RCSD1: variants seen among roughly 807,000 people sequenced by gnomAD.
The protein encoded by RCSD1 is capZ-interacting protein.
A neutral mutation model predicts 42.5 loss-of-function variants in RCSD1; 26 were observed. The ratio of observed to expected loss-of-function variants is 0.61; its 90% CI spans 0.45 to 0.85. The LOEUF (loss-of-function observed/expected upper bound fraction) is 0.85, where lower values mean the gene tolerates loss of function less well. Among genes scored for constraint, RCSD1 ranks in the 40% least tolerant of loss-of-function variants. RCSD1 has a pLI of 0.00. For synonymous variants in RCSD1, 220 were observed against 212.2 expected (o/e 1.04, Z -0.32); for missense variants, 571 against 528.3 (o/e 1.08, Z -0.79).
chr1:167,652,102 A>G (rs991633983), intron 1 of RCSD1, among the ~76,000 whole-genome samples: 6 of 146,638 alleles, frequency 4.1e-5, no homozygotes, highest in Admixed American at 3.4e-4. Flanking sequence ...GCTCACTGCA[A>G]TCTCTGCCAC....
intron 1 of RCSD1, among the ~76,000 whole-genome samples, chr1:167,655,595 G>C (rs1002334049): frequency 6.6e-6 from 1 of 152,138 alleles, no homozygotes; most frequent in African/African-American, 2.4e-5. Context: ...TGCATAACCT[G>C]CTCTGTGCCC....
At chr1:167,655,789 C>G (rs1375738090) in intron 1 of RCSD1, among the ~76,000 whole-genome samples, 1 of 152,216 alleles carries the variant, frequency 6.6e-6, no homozygotes, top group Non-Finnish European at 1.5e-5. Context: ...TAAGACAACT[C>G]TCCCATCCCA....
rs1358010946 is a variant in RCSD1, at chr1:167,706,671, C to A, written c.*1975C>A. Among the ~76,000 whole-genome samples, 1 of 152,062 alleles carries A rather than the reference C, an allele frequency of 6.6e-6. No homozygotes were observed. Among genetic ancestry groups the A allele is most frequent in the Non-Finnish European group, 1.5e-5 (1 of 68,012 alleles). On this transcript the variant is annotated 3_prime_UTR_variant, in exon 7 of 7. Coordinates refer to ENST00000367854, the MANE Select transcript of RCSD1 (RefSeq NM_052862.4). ...TATCCCCCAAGTCTCCTGTTAGTCA[C>A]ATTATTTGGTGTATTTTGTGAAAAA...
At chr1:167,686,386 G>A (rs1659237631) in intron 3 of RCSD1, among the ~76,000 whole-genome samples, 3 of 152,256 alleles carry the variant, frequency 2.0e-5, no homozygotes, top group Admixed American at 2.0e-4. Flanking sequence ...GTGAACTTGG[G>A]CAAGCATCTT....
intron 1 of RCSD1, among the ~76,000 whole-genome samples, chr1:167,671,743 G>A (rs1658811289): frequency 6.6e-6 from 1 of 152,154 alleles, no homozygotes; most frequent in Non-Finnish European, 1.5e-5. Context: ...ATAAATCTGT[G>A]GTTTTGCTTT....
At chr1:167,702,640 G>A (rs1007021948) in intron 6 of RCSD1, among the ~76,000 whole-genome samples, 4 of 152,148 alleles carry the variant, frequency 2.6e-5, no homozygotes, top group Non-Finnish European at 5.9e-5. Flanking sequence ...TTAGCCAGGG[G>A]TGGTGGCGTG....
intron 1 of RCSD1, among the ~76,000 whole-genome samples, chr1:167,673,608 G>T (rs1326713781): frequency 6.6e-6 from 1 of 152,222 alleles, no homozygotes; most frequent in Admixed American, 6.5e-5. Context: ...AAGAAATCAA[G>T]TGACTTACTC....
At chr1:167,678,997 C>T (rs907010365) in intron 1 of RCSD1, among the ~76,000 whole-genome samples, 5 of 152,190 alleles carry the variant, frequency 3.3e-5, no homozygotes, top group Admixed American at 1.3e-4. Context: ...TTTAACAAAG[C>T]GTCTTATGGT....
Position 167,649,196 on chromosome 1 carries a change from G to A in RCSD1, c.6+18767G>A, listed in dbSNP as rs1302908535. Among the ~76,000 whole-genome samples, 4 of 152,188 alleles carry A rather than the reference G, an allele frequency of 2.6e-5. No individual in the cohort carries two copies. The East Asian group carries it at 5.8e-4, about 22-fold the overall frequency. ...CAAAGAGGGAATGGATAGTTGAAGG[G>A]TGAGGAGGAGGGTGTTCTAGCTGGA... On this transcript the variant is annotated intron_variant, in intron 1 of 6. Transcript: ENST00000367854.
At position 167,706,967 on chromosome 1, in the gene RCSD1, T is replaced by C. The variant is rs972193093; in HGVS notation, c.*2271T>C. Among the ~76,000 whole-genome samples the C allele has an allele frequency of 2.6e-5, 4 of 152,222 alleles. No individual in the cohort carries two copies. Among genetic ancestry groups the C allele is most frequent in the African/African-American group, 7.2e-5 (3 of 41,456 alleles). On this transcript the variant is annotated 3_prime_UTR_variant, in exon 7 of 7. Transcript: ENST00000367854. ...TTTCTTTCAGGCTTCCATAATGGGTTTGAAAGAAAACACGGATTCTTCTAC... is the reference window on the plus strand; with the variant it reads ...TTTCTTTCAGGCTTCCATAATGGGTCTGAAAGAAAACACGGATTCTTCTAC...
rs1261324407 is a variant in RCSD1, at chr1:167,705,675, C to T, written c.*979C>T. On this transcript the variant is annotated 3_prime_UTR_variant, in exon 7 of 7. Transcript: ENST00000367854. Reference sequence around the variant, plus strand: ...TAATTAAAACATTTTTCTTAGTTTCCCTGGGAAGCTTTTCTTGACTCACAG... The same window carrying T: ...TAATTAAAACATTTTTCTTAGTTTCTCTGGGAAGCTTTTCTTGACTCACAG... 1 of 152,224 alleles carries T rather than the reference C, an allele frequency of 6.6e-6. No individual in the cohort carries two copies. Among genetic ancestry groups the T allele is most frequent in the South Asian group, 2.1e-4 (1 of 4,824 alleles). The allele number at this position is 152,224 out of a possible 1,614,324, so 9.4% of individuals were successfully genotyped here. A position where few individuals can be genotyped will look rare whatever the true frequency, so the allele number is the denominator to read the frequency against.
intron 1 of RCSD1, among the ~76,000 whole-genome samples, chr1:167,675,951 G>GC (rs1173554351): frequency 8.5e-5 from 13 of 152,198 alleles, no homozygotes; most frequent in African/African-American, 2.6e-4. Flanking sequence ...TAGGATGCAA[G>GC]CCTAGGCATC....
In RCSD1 at chr1:167,673,805, G is replaced by C. The variant is rs117740485; in HGVS notation, c.7-10095G>C. ...ACTTTGCGTGTACCAGCCAGCCCCT[G>C]TGCCTACAACATGCCTTCCTCCTTC... is the stretch of plus-strand genomic sequence containing the variant. On this transcript the variant is annotated intron_variant, in intron 1 of 6. Coordinates refer to ENST00000367854, the MANE Select transcript of RCSD1 (RefSeq NM_052862.4). Among the ~76,000 whole-genome samples the C allele has an allele frequency of 2.8e-4, 42 of 152,218 alleles. No homozygotes were observed. In the East Asian group the frequency reaches 8.1e-3, roughly 29 times the overall value.
chr1:167,652,778 A>C (rs183652768), intron 1 of RCSD1, among the ~76,000 whole-genome samples: 15 of 152,164 alleles, frequency 9.9e-5, no homozygotes, highest in African/African-American at 3.6e-4. Context: ...GATATTCGTC[A>C]TTTGTAATGG....
intron 1 of RCSD1, among the ~76,000 whole-genome samples, chr1:167,651,366 C>G (rs1439031205): frequency 6.6e-6 from 1 of 152,214 alleles, no homozygotes; most frequent in Non-Finnish European, 1.5e-5. Context: ...CTGGGTCCCA[C>G]CTTTCCCTTC....
chr1:167,660,497 G>A (rs955013258), intron 1 of RCSD1, among the ~76,000 whole-genome samples: 10 of 151,244 alleles, frequency 6.6e-5, no homozygotes, highest in African/African-American at 9.7e-5. Flanking sequence ...TTAGAAACAG[G>A]GTCTTACTCT....
At chr1:167,633,509 T>TG (rs1236626263) in intron 1 of RCSD1, 1 of 152,206 alleles carries the variant, frequency 6.6e-6, no homozygotes, top group Non-Finnish European at 1.5e-5. Flanking sequence ...CCAAGGTCAC[T>TG]GAGTATAGTA....
intron 4 of RCSD1, 140 bp downstream of exon 4, chr1:167,690,260 T>C: frequency 2.8e-6 from 2 of 709,984 alleles, no homozygotes; most frequent in Non-Finnish European, 4.8e-6. Flanking sequence ...AGTGATCAAA[T>C]TGCAGTAAAC....
At chr1:167,655,407 T>C (rs1658402173) in intron 1 of RCSD1, among the ~76,000 whole-genome samples, 1 of 152,224 alleles carries the variant, frequency 6.6e-6, no homozygotes, top group Non-Finnish European at 1.5e-5. Context: ...GGGAGATATT[T>C]TTAATTCCTC....
Sources: gnomAD v4.1 joint callset for allele counts (sites outside exome capture counted in the v4.1 genomes callset) on GRCh38, gnomAD v4.1.1 for gene constraint, MANE v1.5 for transcripts, NCBI Gene and HGNC (gene_info 2026-07-23, HGNC 2026-07-21) for gene names.